Variants in CCSER1 observed in about 807,000 individuals in gnomAD.
CCSER1 encodes the protein serine-rich coiled-coil domain-containing protein 1.
In CCSER1, 41 loss-of-function variants were observed where a neutral mutation model predicts 82.0. The observed-to-expected ratio is 0.50, with a 90% CI of 0.39 to 0.65. The LOEUF (loss-of-function observed/expected upper bound fraction) is 0.65, where lower values mean the gene tolerates loss of function less well. Ranked by LOEUF, CCSER1 falls within the 30% of genes least tolerant of loss-of-function variation. The probability of loss-of-function intolerance (pLI) is 0.00; values close to 1 mark genes in which losing one functional copy is unlikely to be tolerated. For synonymous variants in CCSER1, 414 were observed against 383.9 expected (o/e 1.08, Z -0.92); for missense variants, 1,119 against 1,064.2 (o/e 1.05, Z -0.72).
At chr4:91,175,811 A>G (rs1414669714) in intron 10 of CCSER1, among the ~76,000 whole-genome samples, 3 of 152,162 alleles carry the variant, frequency 2.0e-5, no homozygotes, top group East Asian at 3.8e-4. Context: ...TTTGCTGTGC[A>G]GAAGCTCTTT....
chr4:91,508,159 TGGG>T (rs1560725272), intron 10 of CCSER1, among the ~76,000 whole-genome samples: 1 of 80,014 alleles, frequency 1.2e-5, no homozygotes. Flanking sequence ...TTTTTTTTTC[TGGG>T]TTTTTTTTTT....
chr4:90,648,339 A>AAGAG (rs1491567671), intron 6 of CCSER1, among the ~76,000 whole-genome samples: 1 of 148,418 alleles, frequency 6.7e-6, no homozygotes, highest in South Asian at 2.2e-4. Flanking sequence ...GAAAGAAAGA[A>AAGAG]AGAGAGTTGC....
At chr4:90,343,220 C>G (rs1370599510) in intron 3 of CCSER1, among the ~76,000 whole-genome samples, 1 of 152,184 alleles carries the variant, frequency 6.6e-6, no homozygotes, top group African/African-American at 2.4e-5. Context: ...TTTATCATAT[C>G]CTTTTAATTA....
intron 10 of CCSER1, among the ~76,000 whole-genome samples, chr4:91,119,190 A>G (rs1409303519): frequency 6.6e-6 from 1 of 152,148 alleles, no homozygotes; most frequent in African/African-American, 2.4e-5. Flanking sequence ...GAAAACATTG[A>G]TTAAACTCCA....
intron 10 of CCSER1, among the ~76,000 whole-genome samples, chr4:91,193,879 A>G (rs1735199006): frequency 6.6e-6 from 1 of 152,040 alleles, no homozygotes. Flanking sequence ...GTTTTGGGTA[A>G]GAGGGGTTTT....
intron 1 of CCSER1, among the ~76,000 whole-genome samples, chr4:90,151,156 A>C (rs914800224): frequency 1.3e-5 from 2 of 152,098 alleles, no homozygotes; most frequent in African/African-American, 4.8e-5. Flanking sequence ...GGCCTGGAAC[A>C]CTTTCAAATG....
intron 10 of CCSER1, among the ~76,000 whole-genome samples, chr4:91,191,440 T>G (rs957354583): frequency 6.6e-6 from 1 of 152,168 alleles, no homozygotes; most frequent in Non-Finnish European, 1.5e-5. Flanking sequence ...TCGAACCTGC[T>G]TATTAACTTT....
At chr4:91,109,972 G>A (rs147704890) in intron 10 of CCSER1, among the ~76,000 whole-genome samples, 1 of 152,032 alleles carries the variant, frequency 6.6e-6, no homozygotes, top group African/African-American at 2.4e-5. Context: ...AGGCAGGATA[G>A]TATATTAAAC....
intron 9 of CCSER1, among the ~76,000 whole-genome samples, chr4:90,924,733 T>C (rs1159457538): frequency 6.6e-6 from 1 of 152,168 alleles, no homozygotes; most frequent in African/African-American, 2.4e-5. Context: ...GTTGTTTGTT[T>C]GTTTGTTATT....
intron 9 of CCSER1, 29 bp downstream of exon 9, chr4:90,923,476 CT>C: frequency 6.8e-7 from 1 of 1,473,584 alleles, no homozygotes; most frequent in Non-Finnish European, 9.3e-7. Context: ...CCATTTTTAA[CT>C]TCATTATTGG....
chr4:91,139,178 C>T (rs1438567147), intron 10 of CCSER1, among the ~76,000 whole-genome samples: 2 of 152,122 alleles, frequency 1.3e-5, no homozygotes, highest in Non-Finnish European at 2.9e-5. Context: ...AGAATGAATT[C>T]CTGCTGAATC....
At chr4:91,037,675 T>G (rs191659947) in intron 9 of CCSER1, among the ~76,000 whole-genome samples, 31 of 152,098 alleles carry the variant, frequency 2.0e-4, no homozygotes, top group Admixed American at 1.3e-4. Flanking sequence ...GCCATAAAAA[T>G]GAAAGAAAGA....
chr4:90,875,055 A>AAAC (rs201127082), intron 8 of CCSER1, among the ~76,000 whole-genome samples: 14 of 152,210 alleles, frequency 9.2e-5, no homozygotes, highest in South Asian at 2.1e-4. Context: ...CAAAAAACAA[A>AAAC]AACAACAACA....
At chr4:90,425,334 GAGAC>G (rs1672577729) in intron 4 of CCSER1, among the ~76,000 whole-genome samples, 1 of 152,168 alleles carries the variant, frequency 6.6e-6, no homozygotes, top group Non-Finnish European at 1.5e-5. Context: ...GAGGAAGAGA[GAGAC>G]AGAGAGTATT....
Position 91,085,930 on chromosome 4 carries a change from ACTTTG to A in CCSER1, c.2173-15_2173-11del, listed in dbSNP as rs1723350861. ...AATTCTTCGTTGCCAATAATAATATACTTTGCTTTTCTTTTTCAGGGTTTAAACTT... is the reference window on the plus strand; with the variant it reads ...AATTCTTCGTTGCCAATAATAATATACTTTTCTTTTTCAGGGTTTAAACTT... On this transcript the variant is annotated splice_polypyrimidine_tract_variant and intron_variant, in intron 9 of 10. Coordinates refer to ENST00000509176, the MANE Select transcript of CCSER1 (RefSeq NM_001145065.2). 1 of 1,384,816 alleles carries A rather than the reference ACTTTG, an allele frequency of 7.2e-7. No homozygotes were observed. Among genetic ancestry groups the A allele is most frequent in the Non-Finnish European group, 1.0e-6 (1 of 996,902 alleles). 85.8% of individuals were successfully genotyped at this position (1,384,816 alleles called of 1,614,324 possible).
chr4:90,848,833 TTA>T (rs998344670), intron 8 of CCSER1, among the ~76,000 whole-genome samples: 1 of 152,210 alleles, frequency 6.6e-6, no homozygotes, highest in Non-Finnish European at 1.5e-5. Flanking sequence ...TTTATTTATT[TTA>T]TATATATGTT....
At chr4:91,150,943 TG>T (rs1409557461) in intron 10 of CCSER1, among the ~76,000 whole-genome samples, 1 of 152,214 alleles carries the variant, frequency 6.6e-6, no homozygotes, top group Non-Finnish European at 1.5e-5. Context: ...TTTTTTGTTG[TG>T]TCTCTGCCAG....
intron 4 of CCSER1, among the ~76,000 whole-genome samples, chr4:90,439,847 T>G (rs1759594031): frequency 6.6e-6 from 1 of 152,178 alleles, no homozygotes; most frequent in African/African-American, 2.4e-5. Flanking sequence ...AACCTTTTAC[T>G]TTTTGTTCTA....
At chr4:91,002,545 AT>A (rs1325279602) in intron 9 of CCSER1, among the ~76,000 whole-genome samples, 1 of 152,130 alleles carries the variant, frequency 6.6e-6, no homozygotes. Context: ...GTTGCTGAGA[AT>A]TTCCAGAGCA....
Sources: gnomAD v4.1 joint callset for allele counts (sites outside exome capture counted in the v4.1 genomes callset) on GRCh38, gnomAD v4.1.1 for gene constraint, MANE v1.5 for transcripts, NCBI Gene and HGNC (gene_info 2026-07-23, HGNC 2026-07-21) for gene names.